The following TRIOBP variants were observed in gnomAD, a reference collection of about 807,000 sequenced individuals.
TRIOBP encodes the protein TRIO and F-actin binding protein.
Under a neutral mutation model 238.8 loss-of-function variants are expected in TRIOBP, and 169 were observed. That is an observed-to-expected ratio of 0.71 (90% CI 0.62 to 0.80). The LOEUF (loss-of-function observed/expected upper bound fraction) is 0.80. TRIOBP is among the 30% of genes least tolerant of loss of function. TRIOBP has a pLI of 0.00. For synonymous variants in TRIOBP, 1,150 were observed against 1,274.4 expected (o/e 0.90, Z 2.08); for missense variants, 2,838 against 3,122.6 (o/e 0.91, Z 2.17).
At chr22:37,746,364 G>C in intron 11 of TRIOBP, 1 of 1,265,376 alleles carries the variant, frequency 7.9e-7, no homozygotes, top group Non-Finnish European at 1.0e-6. Context: ...CCCGGCCCGA[G>C]AGCCGCGTCC....
At chr22:37,702,170 G>A (rs907726490) in intron 3 of TRIOBP, among the ~76,000 whole-genome samples, 5 of 149,524 alleles carry the variant, frequency 3.3e-5, no homozygotes, top group Admixed American at 1.4e-4. Context: ...CAGAAATGTC[G>A]TTACACCCTA....
At position 37,771,699 on chromosome 22, in the gene TRIOBP, T is replaced by C. The variant is rs61737841; in HGVS notation, c.6899T>C (p.Val2300Ala). The C allele has an allele frequency of 1.3e-3, 2,096 of 1,613,994 alleles. 32 individuals are homozygous for C. The African/African-American group carries it at 0.024, about 18-fold the overall frequency. The change falls in exon 22 of 24, where the codon GTG becomes GCG. Residue 2300 changes from valine to alanine, a missense_variant. Physicochemically the swap from Val to Ala is moderately conservative, Grantham distance 64. This residue lies in a region of TRIOBP where 2,096 missense variants were observed against 2,137.4 expected (regional missense o/e 0.98). Transcript: ENST00000644935. Reference protein sequence around the residue: ...ENELQYLKKEVQCLRDELQMM... With the variant: ...ENELQYLKKEAQCLRDELQMM... ...GAACTCCAGTACCTAAAGAAGGAGG[T>C]GCAGTGCCTCCGGGACGAGCTCCAG...
intron 11 of TRIOBP, among the ~76,000 whole-genome samples, chr22:37,745,302 A>C (rs974757984): frequency 5.9e-5 from 9 of 152,144 alleles, no homozygotes; most frequent in African/African-American, 2.2e-4. Context: ...TTGAATTAAC[A>C]CTTAATCCTT....
chr22:37,735,378 T>C lies in TRIOBP; in HGVS notation c.5042T>C (p.Leu1681Pro). The C allele has an allele frequency of 1.2e-6, 2 of 1,609,662 alleles. No homozygotes were observed. The highest frequency in any genetic ancestry group is 1.1e-5 in the South Asian group (1 of 90,656). ...RGPATATLAGLEQTGPLGSRS... is the reference protein window; with the variant it reads ...RGPATATLAGPEQTGPLGSRS... Reference sequence around the variant, plus strand: ...CCAGCGACCGCAACTCTGGCAGGCCTGGAGCAGACGGGCCCCCTGGGGAGC... The same window carrying C: ...CCAGCGACCGCAACTCTGGCAGGCCCGGAGCAGACGGGCCCCCTGGGGAGC... The change falls in exon 9 of 24, where the codon CTG (leucine) becomes CCG (proline). Residue 1681 changes from leucine (L) to proline (P), a missense_variant. This residue lies in a region of TRIOBP where 2,096 missense variants were observed against 2,137.4 expected (regional missense o/e 0.98). Transcript: ENST00000644935.
chr22:37,751,177 G>GC (rs1450691127), intron 11 of TRIOBP: 2 of 400,356 alleles, frequency 5.0e-6, no homozygotes, highest in Middle Eastern at 3.7e-4. Flanking sequence ...CCGGGGCTGT[G>GC]CCCCCCTGGG....
chr22:37,757,606 G>T lies in TRIOBP; in HGVS notation c.5688-7G>T, dbSNP rs1167250999. Reference sequence around the variant, plus strand: ...ACCCACCTGACGTGGCTCTGCTGGTGCCCTAGGCTCTCGGACTCTAACAAG... The same window carrying T: ...ACCCACCTGACGTGGCTCTGCTGGTTCCCTAGGCTCTCGGACTCTAACAAG... On this transcript the variant is annotated splice_polypyrimidine_tract_variant and splice_region_variant and intron_variant, in intron 15 of 23. Transcript: ENST00000644935. The T allele has an allele frequency of 6.4e-7, 1 of 1,574,304 alleles. No homozygotes were observed. The highest frequency in any genetic ancestry group is 1.2e-5 in the South Asian group (1 of 86,320).
chr22:37,761,290 A>C (rs557597625), intron 17 of TRIOBP, among the ~76,000 whole-genome samples: 10 of 152,034 alleles, frequency 6.6e-5, no homozygotes, highest in African/African-American at 2.4e-4. Context: ...CTACTAAAAA[A>C]AAAAAATACA....
chr22:37,706,769 TAA>T (rs34258002), intron 3 of TRIOBP, among the ~76,000 whole-genome samples: 24 of 140,952 alleles, frequency 1.7e-4, no homozygotes, highest in African/African-American at 4.9e-4. Flanking sequence ...AAGACTATCT[TAA>T]AAAAAAAAAA....
In TRIOBP at chr22:37,758,094, C is replaced by T. The variant is rs763920992; in HGVS notation, c.6169C>T (p.Arg2057Cys). ...TALLNQSRGE[R>C]RGPPSDGHEA... ...CCTGCTCAACCAAAGCCGCGGAGAGCGCCGAGGGCCCCCAAGTGACGGCCA... is the reference window on the plus strand; with the variant it reads ...CCTGCTCAACCAAAGCCGCGGAGAGTGCCGAGGGCCCCCAAGTGACGGCCA... The change falls in exon 16 of 24, where the codon CGC becomes TGC. Residue 2057 changes from arginine to cysteine, a missense_variant. This residue lies in a region of TRIOBP where 2,096 missense variants were observed against 2,137.4 expected (regional missense o/e 0.98). Coordinates refer to ENST00000644935, the MANE Select transcript of TRIOBP (RefSeq NM_001039141.3). 1.4e-5 allele frequency: 22 copies of T among 1,611,212 alleles called. No homozygotes were observed. Among genetic ancestry groups the T allele is most frequent in the African/African-American group, 2.7e-5 (2 of 74,876 alleles).
rs758853723 is a variant in TRIOBP, at chr22:37,769,101, G to A, written c.6649G>A (p.Gly2217Arg). Residue 2217 changes from glycine (G) to arginine (R), a missense_variant, in exon 20 of 24, where the codon GGG becomes AGG. By Grantham distance (125) the Gly-to-Arg change is moderately radical. This residue lies in a region of TRIOBP where 2,096 missense variants were observed against 2,137.4 expected (regional missense o/e 0.98). Coordinates refer to ENST00000644935, the MANE Select transcript of TRIOBP (RefSeq NM_001039141.3). Reference protein sequence around the residue: ...EQYSQKCLEIGALMRQAEERE... With the variant: ...EQYSQKCLEIRALMRQAEERE... ...GTACTCGCAGAAGTGCCTGGAGATT[G>A]GGGCACTCATGCGGCAGGCTGAGGA... The A allele has an allele frequency of 1.9e-6, 3 of 1,613,434 alleles. No homozygotes were observed. The African/African-American group carries it at 4.0e-5, about 22-fold the overall frequency.
chr22:37,706,948 C>G (rs1163261661), intron 3 of TRIOBP, among the ~76,000 whole-genome samples: 1 of 151,964 alleles, frequency 6.6e-6, no homozygotes, highest in Non-Finnish European at 1.5e-5. Context: ...TAGCAGCTCC[C>G]TGTGTATACC....
At position 37,701,356 on chromosome 22, in the gene TRIOBP, C is replaced by G. The variant is rs1374574618; in HGVS notation, c.-10C>G. On this transcript the variant is annotated 5_prime_UTR_variant, in exon 3 of 24. Coordinates refer to ENST00000644935, the MANE Select transcript of TRIOBP (RefSeq NM_001039141.3). ...GATCATAGGAACTGCCCTGGCCTGA[C>G]TCACCCAATATGGAGGAGGTGCCTG... The G allele has an allele frequency of 1.2e-6, 2 of 1,607,964 alleles. No homozygotes were observed. The highest frequency in any genetic ancestry group is 1.7e-4 in the Middle Eastern group (1 of 6,058).
At chr22:37,755,042 T>A in intron 13 of TRIOBP, 58 bp downstream of exon 13, 2 of 1,611,018 alleles carry the variant, frequency 1.2e-6, no homozygotes, top group Non-Finnish European at 8.5e-7. Context: ...CCTGGCTGGG[T>A]TCACTGGGGT....
chr22:37,701,595 G>A (rs1170916109), intron 3 of TRIOBP, 116 bp downstream of exon 3: 2 of 736,980 alleles, frequency 2.7e-6, no homozygotes, highest in African/African-American at 1.7e-5. Context: ...TCCTCCTGTC[G>A]AGAGCCTCGG....
chr22:37,733,140 A>G (rs1924503974), intron 7 of TRIOBP, among the ~76,000 whole-genome samples, 158 bp from the exon 8 acceptor site: 1 of 152,248 alleles, frequency 6.6e-6, no homozygotes, highest in Non-Finnish European at 1.5e-5. Context: ...AGAAGGGGAA[A>G]CTAAGGCCCT....
chr22:37,732,160 A>G (rs1433503261), intron 7 of TRIOBP, among the ~76,000 whole-genome samples: 2 of 152,216 alleles, frequency 1.3e-5, no homozygotes, highest in Admixed American at 1.3e-4. Flanking sequence ...CCTTAGGTAG[A>G]GGAAGGGAGA....
chr22:37,749,917 A>G (rs1034903667), intron 11 of TRIOBP, among the ~76,000 whole-genome samples: 2 of 151,982 alleles, frequency 1.3e-5, no homozygotes, highest in Non-Finnish European at 2.9e-5. Context: ...TCACACCACC[A>G]CACTCCAGTC....
At chr22:37,721,905 G>T (rs1923848992) in intron 6 of TRIOBP, among the ~76,000 whole-genome samples, 1 of 152,178 alleles carries the variant, frequency 6.6e-6, no homozygotes, top group Non-Finnish European at 1.5e-5. Flanking sequence ...GGGGTGGAGG[G>T]TGACACACCA....
chr22:37,730,881 A>AG (rs1426342414), intron 7 of TRIOBP, among the ~76,000 whole-genome samples: 5 of 143,446 alleles, frequency 3.5e-5, no homozygotes, highest in African/African-American at 1.0e-4. Flanking sequence ...CAGAAGGCGG[A>AG]GGTTGCAGTG....
Sources: allele counts gnomAD v4.1 joint callset (sites outside exome capture counted in the v4.1 genomes callset), GRCh38; gene constraint gnomAD v4.1.1; regional missense constraint gnomAD v4.1.1; transcripts MANE v1.5; gene names NCBI Gene and HGNC (gene_info 2026-07-23, HGNC 2026-07-21).